KMT2A: variants seen among roughly 807,000 people sequenced by gnomAD.
KMT2A encodes lysine methyltransferase 2A.
In KMT2A, 16 loss-of-function variants were observed where a neutral mutation model predicts 345.3. The ratio of observed to expected loss-of-function variants is 0.05; its 90% CI spans 0.03 to 0.07. The LOEUF (loss-of-function observed/expected upper bound fraction) is 0.07. KMT2A is among the 10% of genes least tolerant of loss of function. The pLI is 1.00. For missense variants in KMT2A, 3,272 were observed against 4,841.6 expected (o/e 0.68, Z 9.62); for synonymous variants, 1,599 against 1,778.6 (o/e 0.90, Z 2.54).
Position 118,505,856 on chromosome 11 carries a change from A to G in KMT2A, c.9964A>G (p.Ile3322Val), listed in dbSNP as rs1313662595. 6.2e-7 allele frequency: 1 copy of G among 1,614,064 alleles called. No homozygotes were observed. The highest frequency in any genetic ancestry group is 1.3e-5 in the African/African-American group (1 of 74,916). ...TAATAAGTST[I>V]SQDTSHLTSG... is the part of the protein sequence containing the mutation. Reference sequence around the variant, plus strand: ...TGCCACAGCGGCAGGCACATCAACAATAAGCCAGGATACTAGCCACCTCAC... The same window carrying G: ...TGCCACAGCGGCAGGCACATCAACAGTAAGCCAGGATACTAGCCACCTCAC... The change falls in exon 27 of 36, where the codon ATA becomes GTA. Residue 3322 changes from isoleucine to valine, a missense_variant. This residue lies in a region of KMT2A where 748 missense variants were observed against 922.2 expected (regional missense o/e 0.81). Transcript: ENST00000534358. This position sits in a 1 kb window ranked among gnomAD's most constrained non-coding sequence, Gnocchi z 4.6.
At chr11:118,508,062 A>G (rs1465645405) in intron 28 of KMT2A, among the ~76,000 whole-genome samples, 1 of 152,246 alleles carries the variant, frequency 6.6e-6, no homozygotes, top group African/African-American at 2.4e-5. Flanking sequence ...TAAACAAGTA[A>G]ACAAAAAATA....
chr11:118,436,875 C>A lies in KMT2A; in HGVS notation c.363C>A (p.Ala121=). The change falls in exon 1 of 36, where the codon GCC becomes GCA. Residue 121 remains alanine (A), a synonymous_variant. Coordinates refer to ENST00000534358, the MANE Select transcript of KMT2A (RefSeq NM_001197104.2). This position sits in a 1 kb window ranked among gnomAD's most constrained non-coding sequence, Gnocchi z 6.9. ...ACGCGGCGCTGCAGGTCTCGGCCGC[C>A]ATCGGCACCAACCTGCGCCGGTTCC... ...GFDAALQVSA[A]IGTNLRRFRA... 1 of 1,593,208 alleles carries A rather than the reference C, an allele frequency of 6.3e-7. No homozygotes were observed. The highest frequency in any genetic ancestry group is 1.7e-5 in the Admixed American group (1 of 57,626).
Position 118,523,828 on chromosome 11 carries a change from G to A in KMT2A, c.*1656G>A, listed in dbSNP as rs1168001389. On this transcript the variant is annotated 3_prime_UTR_variant, in exon 36 of 36. Transcript: ENST00000534358. Reference sequence around the variant, plus strand: ...TTGTTTGTGCCCTGTTGACATAAATGTTTCCTGGGTTTGCTCTTTGACAAT... The same window carrying A: ...TTGTTTGTGCCCTGTTGACATAAATATTTCCTGGGTTTGCTCTTTGACAAT... 4.8e-6 allele frequency: 1 copy of A among 208,234 alleles called. No homozygotes were observed. The allele number at this position is 208,234 out of a possible 1,614,324, so 12.9% of individuals were successfully genotyped here. A position where few individuals can be genotyped will look rare whatever the true frequency, so the allele number is the denominator to read the frequency against.
chr11:118,518,794 A>AC (rs1950884783), intron 31 of KMT2A, among the ~76,000 whole-genome samples: 1 of 144,390 alleles, frequency 6.9e-6, no homozygotes, highest in Admixed American at 7.0e-5. Context: ...AAAAAAAAAA[A>AC]AAGCCGGGCG....
intron 8 of KMT2A, among the ~76,000 whole-genome samples, chr11:118,483,980 T>G (rs1333194500): frequency 1.4e-4 from 21 of 152,216 alleles, no homozygotes; most frequent in Non-Finnish European, 2.6e-4. Flanking sequence ...TGCAGTGAGC[T>G]GTGACTGTGC....
In KMT2A at chr11:118,523,675, C is replaced by A. The variant is rs782645001; in HGVS notation, c.*1503C>A. 4.4e-6 allele frequency: 1 copy of A among 227,144 alleles called. No individual in the cohort carries two copies. Among genetic ancestry groups the A allele is most frequent in the East Asian group, 6.4e-5 (1 of 15,662 alleles). 14.1% of individuals were successfully genotyped at this position (227,144 alleles called of 1,614,324 possible). On this transcript the variant is annotated 3_prime_UTR_variant, in exon 36 of 36. Coordinates refer to ENST00000534358, the MANE Select transcript of KMT2A (RefSeq NM_001197104.2). ...GTATTATCCTAATTTAAAAGAAGATCGGTTTTTAATAATTTTTTATTTTCA... is the reference window on the plus strand; with the variant it reads ...GTATTATCCTAATTTAAAAGAAGATAGGTTTTTAATAATTTTTTATTTTCA...
intron 25 of KMT2A, 36 bp from the exon 26 acceptor site, chr11:118,501,636 G>T: frequency 6.5e-7 from 1 of 1,548,948 alleles, no homozygotes; most frequent in Non-Finnish European, 8.8e-7. Context: ...TTTTAATTGG[G>T]CCTTTTTAGT....
chr11:118,447,704 C>G (rs1949450706), intron 1 of KMT2A: 1 of 447,346 alleles, frequency 2.2e-6, no homozygotes, highest in Non-Finnish European at 4.5e-6. Flanking sequence ...GATTGGAAGT[C>G]AGTCCTATGA....
chr11:118,449,698 C>T (rs1949494229), intron 1 of KMT2A: 1 of 152,200 alleles, frequency 6.6e-6, no homozygotes, highest in East Asian at 1.9e-4. Context: ...ACTGCTCCTT[C>T]AGCAAACTGA....
rs782398425 is a variant in KMT2A, at chr11:118,520,826, A to G, written c.11454A>G (p.Pro3818=). The change falls in exon 34 of 36, where the codon CCA becomes CCG. Residue 3818 remains proline, a synonymous_variant. Transcript: ENST00000534358. The surrounding 1 kb of genome is among the most constrained non-coding windows in gnomAD (Gnocchi z 4.3). The stretch of plus-strand genomic sequence containing the variant: ...GGAGGGCAACTAGCATGGATCTGCC[A>G]ATGCCCATGCGCTTCCGGCACTTAA... ...SARRATSMDL[P]MPMRFRHLKK... 1.9e-6 allele frequency: 3 copies of G among 1,613,904 alleles called. No individual in the cohort carries two copies. The highest frequency in any genetic ancestry group is 1.1e-5 in the South Asian group (1 of 91,084).
In KMT2A at chr11:118,480,265, C is replaced by A. The variant is rs9332791; in HGVS notation, c.3634+27C>A. Reference sequence around the variant, plus strand: ...TAGTGTTGTTAAAAAGGTCTTCCCCCAAATGCTCCTTGCTTAAATGGTGTA... The same window carrying A: ...TAGTGTTGTTAAAAAGGTCTTCCCCAAAATGCTCCTTGCTTAAATGGTGTA... On this transcript the variant is annotated intron_variant, in intron 6 of 35. Transcript: ENST00000534358. The A allele has an allele frequency of 7.8e-3, 12,318 of 1,586,582 alleles. 65 individuals are homozygous for A. Among genetic ancestry groups the A allele is most frequent in the Middle Eastern group, 0.017 (100 of 6,002 alleles).
rs898370263 is a variant in KMT2A at position 118,525,071 on chromosome 11, A to T, written c.*2899A>T. The T allele has an allele frequency of 9.2e-6, 2 of 216,886 alleles. No homozygotes were observed. Among genetic ancestry groups the T allele is most frequent in the African/African-American group, 4.5e-5 (2 of 44,368 alleles). 13.4% of individuals were successfully genotyped at this position (216,886 alleles called of 1,614,324 possible). A position where few individuals can be genotyped will look rare whatever the true frequency, so the allele number is the denominator to read the frequency against. On this transcript the variant is annotated 3_prime_UTR_variant, in exon 36 of 36. Coordinates refer to ENST00000534358, the MANE Select transcript of KMT2A (RefSeq NM_001197104.2). The stretch of plus-strand genomic sequence containing the variant: ...CACCTGCCAGCAACTTGGGGGAATA[A>T]GCGAAGGTTTCCCTACAAGAGGGAA...
intron 27 of KMT2A, 139 bp from the exon 28 acceptor site, chr11:118,507,390 C>A: frequency 1.4e-6 from 1 of 691,448 alleles, no homozygotes; most frequent in Non-Finnish European, 2.5e-6. Flanking sequence ...TTATTCTAAC[C>A]TTTATGACCT....
chr11:118,515,863 A>AT (rs1950802695), intron 31 of KMT2A, among the ~76,000 whole-genome samples: 1 of 151,484 alleles, frequency 6.6e-6, no homozygotes. Flanking sequence ...TAATTTTTGT[A>AT]TTTTAGTAGA....
intron 28 of KMT2A, 151 bp downstream of exon 28, chr11:118,507,760 G>C (rs1171439471): frequency 1.6e-6 from 1 of 612,362 alleles, no homozygotes. Context: ...GTTAGATCGA[G>C]ACCATCCTGG....
chr11:118,500,217 G>A (rs1950478095), intron 24 of KMT2A, among the ~76,000 whole-genome samples: 2 of 152,148 alleles, frequency 1.3e-5, no homozygotes, highest in African/African-American at 4.8e-5. Context: ...CCATGCAGAA[G>A]TGCAGATTGT....
chr11:118,484,392 T>G lies in KMT2A; in HGVS notation c.4218+78T>G. On this transcript the variant is annotated intron_variant, in intron 9 of 35. Coordinates refer to ENST00000534358, the MANE Select transcript of KMT2A (RefSeq NM_001197104.2). The surrounding 1 kb of genome is among the most constrained non-coding windows in gnomAD (Gnocchi z 4.1). The stretch of plus-strand genomic sequence containing the variant: ...AAGAAAATGCTACTACCAAAGGTGT[T>G]GAAAGAGGAAATCAGCACCAACTGG... The G allele has an allele frequency of 2.0e-6, 3 of 1,490,674 alleles. No homozygotes were observed. The Admixed American group carries it at 5.6e-5, about 28-fold the overall frequency. The allele number at this position is 1,490,674 out of a possible 1,614,324, so 92.3% of individuals were successfully genotyped here.
intron 31 of KMT2A, among the ~76,000 whole-genome samples, chr11:118,517,550 T>C (rs1195950090): frequency 6.6e-6 from 1 of 152,158 alleles, no homozygotes; most frequent in East Asian, 1.9e-4. Flanking sequence ...ATGTCACTTA[T>C]CAGGGGCCAG....
chr11:118,474,417 C>T (rs2134274274), intron 3 of KMT2A, 102 bp downstream of exon 3: 2 of 1,399,770 alleles, frequency 1.4e-6, no homozygotes, highest in East Asian at 4.9e-5. Context: ...TTATGAGAAC[C>T]AAGAAAAGTA....
Sources: gnomAD v4.1 joint callset for allele counts (sites outside exome capture counted in the v4.1 genomes callset) on GRCh38, gnomAD v4.1.1 for gene constraint, gnomAD v4.1.1 regional missense constraint, Gnocchi (gnomAD v3.1) non-coding constraint, MANE v1.5 for transcripts, NCBI Gene and HGNC (gene_info 2026-07-23, HGNC 2026-07-21) for gene names.